The following BCAR3 variants were observed in gnomAD, a reference collection of about 807,000 sequenced individuals.
The protein encoded by BCAR3 is breast cancer anti-estrogen resistance protein 3.
Under a neutral mutation model 80.1 loss-of-function variants are expected in BCAR3, and 37 were observed. The ratio of observed to expected loss-of-function variants is 0.46; its 90% CI spans 0.36 to 0.61. The LOEUF is 0.61. BCAR3 is among the 20% of genes least tolerant of loss of function. The pLI, the probability that BCAR3 is intolerant of heterozygous loss-of-function variation, is 0.00. For synonymous variants in BCAR3, 389 were observed against 418.9 expected (o/e 0.93, Z 0.87); for missense variants, 978 against 1,068.2 (o/e 0.92, Z 1.18).
chr1:93,825,889 C>T (rs1218340191), intron 2 of BCAR3, among the ~76,000 whole-genome samples: 1 of 152,172 alleles, frequency 6.6e-6, no homozygotes, highest in Non-Finnish European at 1.5e-5. Context: ...GCCCACATGC[C>T]AGCTCTCATC....
At chr1:93,689,285 G>A (rs539211807) in intron 3 of BCAR3, among the ~76,000 whole-genome samples, 49 of 152,174 alleles carry the variant, frequency 3.2e-4, no homozygotes, top group African/African-American at 1.1e-3. Context: ...TCAGAGGTTC[G>A]AGACCAGCCT....
At chr1:93,664,236 C>T (rs375946622) in intron 2 of BCAR3, among the ~76,000 whole-genome samples, 1 of 152,172 alleles carries the variant, frequency 6.6e-6, no homozygotes, top group African/African-American at 2.4e-5. Flanking sequence ...TCTCCTGCCT[C>T]AGCCTCTCAA....
At chr1:93,845,503 A>ATATCTAT (rs1571168386) in intron 2 of BCAR3, 1 of 4,786 alleles carries the variant, frequency 2.1e-4, no homozygotes, top group African/African-American at 6.2e-4. Context: ...TATATATATA[A>ATATCTAT]AACTTTGTTT....
intron 2 of BCAR3, among the ~76,000 whole-genome samples, chr1:93,843,150 T>C (rs1356733383): frequency 6.6e-6 from 1 of 151,672 alleles, no homozygotes; most frequent in Non-Finnish European, 1.5e-5. Context: ...GTGCCTAAGG[T>C]TCTTGAACTA....
chr1:93,821,243 C>T (rs1178091751), intron 2 of BCAR3, among the ~76,000 whole-genome samples: 1 of 152,106 alleles, frequency 6.6e-6, no homozygotes, highest in African/African-American at 2.4e-5. Context: ...TCCTTCTAAC[C>T]CAGATTCCAT....
intron 3 of BCAR3, among the ~76,000 whole-genome samples, chr1:93,629,796 A>C (rs1189912465): frequency 6.6e-6 from 1 of 152,198 alleles, no homozygotes; most frequent in African/African-American, 2.4e-5. Flanking sequence ...AGTTGCCAGA[A>C]CTACACTTTT....
At chr1:93,745,669 G>T (rs559644623) in intron 2 of BCAR3, among the ~76,000 whole-genome samples, 1 of 152,184 alleles carries the variant, frequency 6.6e-6, no homozygotes, top group Non-Finnish European at 1.5e-5. Flanking sequence ...CCAGGTGTGG[G>T]GTGGGGAGGC....
intron 3 of BCAR3, among the ~76,000 whole-genome samples, chr1:93,606,211 A>C (rs975663041): frequency 1.3e-5 from 2 of 152,196 alleles, no homozygotes; most frequent in African/African-American, 4.8e-5. Context: ...CAAGCATTTT[A>C]AAAAATGCAA....
chr1:93,643,366 C>G (rs989525203), intron 2 of BCAR3, among the ~76,000 whole-genome samples: 1 of 150,774 alleles, frequency 6.6e-6, no homozygotes, highest in Non-Finnish European at 1.5e-5. Context: ...CTCTACTATA[C>G]TAAAAACACA....
intron 3 of BCAR3, among the ~76,000 whole-genome samples, chr1:93,696,192 C>T (rs1008890042): frequency 1.5e-4 from 23 of 152,100 alleles, no homozygotes. Context: ...GCCACTGTGC[C>T]CAGCTCTGCC....
intron 2 of BCAR3, among the ~76,000 whole-genome samples, chr1:93,825,326 C>T (rs571273687): frequency 7.5e-6 from 1 of 133,192 alleles, no homozygotes; most frequent in South Asian, 3.1e-4. Flanking sequence ...GCAGCCTGGC[C>T]TTGAGATCCC....
chr1:93,802,736 G>C (rs1260242759), intron 2 of BCAR3, among the ~76,000 whole-genome samples: 1 of 152,218 alleles, frequency 6.6e-6, no homozygotes, highest in Non-Finnish European at 1.5e-5. Context: ...GGAAACTTCA[G>C]ACAATTTTTG....
At chr1:93,682,482 G>A (rs1035574572), upstream of BCAR3, among the ~76,000 whole-genome samples, 4 of 152,098 alleles carry the variant, frequency 2.6e-5, no homozygotes, top group African/African-American at 9.7e-5. Context: ...CTGTATTGGG[G>A]GTCAGATTAG....
At chr1:93,652,456 C>A (rs1354081719) in intron 2 of BCAR3, among the ~76,000 whole-genome samples, 1 of 152,166 alleles carries the variant, frequency 6.6e-6, no homozygotes, top group Non-Finnish European at 1.5e-5. Context: ...CCCAGACACC[C>A]TTTCCAGGGA....
intron 2 of BCAR3, among the ~76,000 whole-genome samples, chr1:93,810,165 C>A (rs1210697934): frequency 1.4e-5 from 2 of 142,622 alleles, no homozygotes; most frequent in Non-Finnish European, 3.0e-5. Context: ...TTTACTCCAG[C>A]CTGGGTGACA....
intron 3 of BCAR3, among the ~76,000 whole-genome samples, chr1:93,635,753 G>A (rs935173176): frequency 7.2e-5 from 11 of 152,192 alleles, no homozygotes; most frequent in African/African-American, 1.2e-4. Context: ...CCAGCCAATC[G>A]GCCCATTATT....
At chr1:93,652,250 T>C (rs1174871580) in intron 2 of BCAR3, among the ~76,000 whole-genome samples, 1 of 152,178 alleles carries the variant, frequency 6.6e-6, no homozygotes, top group Non-Finnish European at 1.5e-5. Context: ...CTGCTTATTC[T>C]CCTCACCCTT....
chr1:93,682,145 C>T (rs1434825771), upstream of BCAR3, among the ~76,000 whole-genome samples: 1 of 152,228 alleles, frequency 6.6e-6, no homozygotes, highest in South Asian at 2.1e-4. Context: ...CGTCTGCAGA[C>T]ACCTGGCTGG....
chr1:93,699,455 G>A (rs1649558277), intron 3 of BCAR3, among the ~76,000 whole-genome samples: 1 of 152,046 alleles, frequency 6.6e-6, no homozygotes, highest in Admixed American at 6.6e-5. Context: ...CCCCAACCTC[G>A]AGGATTTCTG....
Sources: gnomAD v4.1 joint callset for allele counts (sites outside exome capture counted in the v4.1 genomes callset) on GRCh38, gnomAD v4.1.1 for gene constraint, MANE v1.5 for transcripts, NCBI Gene and HGNC (gene_info 2026-07-23, HGNC 2026-07-21) for gene names.